The following MYH9 variants were observed in gnomAD, a reference collection of about 807,000 sequenced individuals.
MYH9 encodes the protein myosin heavy chain 9.
Under a neutral mutation model 241.9 loss-of-function variants are expected in MYH9, and 29 were observed. The ratio of observed to expected loss-of-function variants is 0.12; its 90% CI spans 0.09 to 0.16. The LOEUF is 0.16. Among genes scored for constraint, MYH9 ranks in the 10% least tolerant of loss-of-function variants. MYH9 has a pLI of 1.00. For synonymous variants in MYH9, 1,047 were observed against 1,062.6 expected, an observed-to-expected ratio of 0.99 and a Z score of 0.29; for missense variants, 1,803 against 2,595.5, an observed-to-expected ratio of 0.69 and a Z score of 6.63.
At chr22:36,292,812 G>C (rs891060680) in intron 30 of MYH9, among the ~76,000 whole-genome samples, 5 of 152,228 alleles carry the variant, frequency 3.3e-5, no homozygotes, top group African/African-American at 1.2e-4. Context: ...TGACAATGTT[G>C]TAACAGGCAT....
chr22:36,290,611 G>A (rs929546317), intron 31 of MYH9, among the ~76,000 whole-genome samples: 3 of 149,280 alleles, frequency 2.0e-5, no homozygotes, highest in Non-Finnish European at 3.0e-5. Context: ...GCCGCCCATC[G>A]TCTGGGATGT....
chr22:36,284,648 T>C, intron 38 of MYH9, 137 bp from the exon 39 acceptor site: 1 of 798,432 alleles, frequency 1.3e-6, no homozygotes, highest in Non-Finnish European at 2.1e-6. Flanking sequence ...GCTAGACACC[T>C]ATGTGTACCC....
At chr22:36,385,170 TTCTC>T (rs368932396) in intron 1 of MYH9, among the ~76,000 whole-genome samples, 18 of 151,106 alleles carry the variant, frequency 1.2e-4, no homozygotes, top group African/African-American at 4.1e-4. Context: ...GTTTTTTTTT[TTCTC>T]TCTCTCTCTT....
intron 19 of MYH9, 86 bp from the exon 20 acceptor site, chr22:36,302,762 G>C: frequency 8.3e-7 from 1 of 1,203,564 alleles, no homozygotes; most frequent in East Asian, 2.5e-5. Context: ...AGCTTTTCTG[G>C]GGGTCTACCC....
chr22:36,327,472 G>A lies in MYH9; in HGVS notation c.507C>T (p.Ser169=). Residue 169 remains serine, a synonymous_variant, in exon 4 of 41, where the codon TCC becomes TCT. Coordinates refer to ENST00000216181, the MANE Select transcript of MYH9 (RefSeq NM_002473.6). The part of the protein sequence containing the change: ...RSMMQDREDQ[S]ILCTGESGAG... ...GGAGAAATACTTACGTGCACAAGAT[G>A]GATTGATCTTCTCGGTCTGAAACAA... 6.2e-7 allele frequency: 1 copy of A among 1,614,044 alleles called. No individual in the cohort carries two copies. The highest frequency in any genetic ancestry group is 8.5e-7 in the Non-Finnish European group (1 of 1,179,952).
rs746428179 is a variant in MYH9 at position 36,300,234 on chromosome 22, T to G, written c.2869A>C (p.Ser957Arg). ...ELEEQLEEEE[S>R]ARQKLQLEKV... Reference sequence around the variant, plus strand: ...TCCAGCTGCAGCTTCTGCCGGGCGCTCTCCTCCTCCTCCAGCTGCTCCTCA... The same window carrying G: ...TCCAGCTGCAGCTTCTGCCGGGCGCGCTCCTCCTCCTCCAGCTGCTCCTCA... The change falls in exon 23 of 41, where the codon AGC (serine) becomes CGC (arginine). Residue 957 changes from serine to arginine, a missense_variant. By Grantham distance (110) the Ser-to-Arg change is moderately radical. Coordinates refer to ENST00000216181, the MANE Select transcript of MYH9 (RefSeq NM_002473.6). This position sits in a 1 kb window ranked among gnomAD's most constrained non-coding sequence, Gnocchi z 5.0. The G allele has an allele frequency of 6.2e-7, 1 of 1,613,060 alleles. No homozygotes were observed. Among genetic ancestry groups the G allele is most frequent in the South Asian group, 1.1e-5 (1 of 91,042 alleles).
chr22:36,331,293 G>A (rs1393962055), intron 3 of MYH9, among the ~76,000 whole-genome samples: 5 of 152,152 alleles, frequency 3.3e-5, no homozygotes, highest in African/African-American at 9.7e-5. Flanking sequence ...CTGCTGTCTC[G>A]GAGCTCCCAA....
chr22:36,318,210 C>T lies in MYH9; in HGVS notation c.1224G>A (p.Glu408=), dbSNP rs772374978. ...RDYVQKAQTK[E]QADFAIEALA... is the part of the protein sequence containing the mutation. The stretch of plus-strand genomic sequence containing the variant: ...GCCCTGGCCCCAGAGGACATACCTG[C>T]TCTTTAGTCTGCGCCTTCTGGACGT... The change falls in exon 11 of 41, where the codon GAG becomes GAA. Residue 408 remains glutamate (E), a synonymous_variant. Coordinates refer to ENST00000216181, the MANE Select transcript of MYH9 (RefSeq NM_002473.6). 2.5e-6 allele frequency: 4 copies of T among 1,613,944 alleles called. No individual in the cohort carries two copies. Among genetic ancestry groups the T allele is most frequent in the Middle Eastern group, 1.7e-4 (1 of 6,040 alleles).
chr22:36,348,508 CAA>C (rs11367901), intron 2 of MYH9, among the ~76,000 whole-genome samples: 127 of 133,008 alleles, frequency 9.5e-4, no homozygotes, highest in South Asian at 1.7e-3. Context: ...GACTCCGTCT[CAA>C]AAAAAAAAAA....
At position 36,296,914 on chromosome 22, in the gene MYH9, G is replaced by A. The variant is rs144389749; in HGVS notation, c.3201C>T (p.Leu1067=). 1.2e-6 allele frequency: 2 copies of A among 1,613,884 alleles called. No homozygotes were observed. Among genetic ancestry groups the A allele is most frequent in the African/African-American group, 2.7e-5 (2 of 74,924 alleles). Reference sequence around the variant, plus strand: ...TCTTGAGCTCCGCGATCTGGGCCTGGAGCTCGGCGATCTGGTCGCTGAGGT... The same window carrying A: ...TCTTGAGCTCCGCGATCTGGGCCTGAAGCTCGGCGATCTGGTCGCTGAGGT... ...STDLSDQIAE[L]QAQIAELKMQ... Residue 1067 remains leucine, a synonymous_variant, in exon 25 of 41, where the codon CTC becomes CTT. Transcript: ENST00000216181.
chr22:36,354,580 A>C (rs2017821698), intron 1 of MYH9, among the ~76,000 whole-genome samples: 1 of 151,534 alleles, frequency 6.6e-6, no homozygotes, highest in South Asian at 2.1e-4. Context: ...AGTAGCTGGG[A>C]TTACAGGCAT....
intron 20 of MYH9, 113 bp from the exon 21 acceptor site, chr22:36,301,778 ACACGCTGTGGTGGGGGCTGCAAGCAGG>A: frequency 6.9e-7 from 1 of 1,447,902 alleles, no homozygotes; most frequent in South Asian, 1.2e-5. Flanking sequence ...GGGCAAGAAG[ACACGCTGTGGTGGGGGCTGCAAGCAGG>A]CACATCCTTC....
At chr22:36,294,048 G>T (rs376048732) in intron 28 of MYH9, 44 bp downstream of exon 28, 46 of 1,598,742 alleles carry the variant, frequency 2.9e-5, no homozygotes, top group Non-Finnish European at 3.8e-5. Context: ...CACAACTGCT[G>T]CTAGGGCCCA....
At chr22:36,291,055 T>TG (rs1348512412) in intron 31 of MYH9, among the ~76,000 whole-genome samples, 9 of 139,846 alleles carry the variant, frequency 6.4e-5, no homozygotes, top group South Asian at 2.3e-4. Context: ...GGGAGGGAGG[T>TG]GGGGGGGTCA....
intron 3 of MYH9, among the ~76,000 whole-genome samples, chr22:36,336,331 G>T (rs1301835783): frequency 1.3e-5 from 2 of 152,220 alleles, no homozygotes; most frequent in Non-Finnish European, 2.9e-5. Flanking sequence ...ACCCCAGAGG[G>T]TCTGGCCCGG....
intron 1 of MYH9, among the ~76,000 whole-genome samples, chr22:36,368,012 C>A (rs1012416659): frequency 3.6e-4 from 54 of 151,934 alleles, no homozygotes; most frequent in African/African-American, 1.3e-3. Context: ...CAAACACACA[C>A]ACACACATGC....
At chr22:36,341,644 G>A in intron 2 of MYH9, 118 bp from the exon 3 acceptor site, 4 of 1,187,210 alleles carry the variant, frequency 3.4e-6, no homozygotes, top group Non-Finnish European at 4.8e-6. Context: ...TGATGTGAAG[G>A]CACTCCCTGA....
intron 1 of MYH9, among the ~76,000 whole-genome samples, chr22:36,359,699 G>GA (rs1239115666): frequency 2.0e-5 from 3 of 152,300 alleles, no homozygotes; most frequent in African/African-American, 7.2e-5. Flanking sequence ...ATACCAGAAA[G>GA]AATCTTGGCT....
At chr22:36,364,009 G>A (rs1006405627) in intron 1 of MYH9, among the ~76,000 whole-genome samples, 1 of 152,202 alleles carries the variant, frequency 6.6e-6, no homozygotes, top group Non-Finnish European at 1.5e-5. Flanking sequence ...ACCCAATGCA[G>A]AAAAATAACC....
Sources: gnomAD v4.1 joint callset for allele counts (sites outside exome capture counted in the v4.1 genomes callset) on GRCh38, gnomAD v4.1.1 for gene constraint, Gnocchi (gnomAD v3.1) non-coding constraint, MANE v1.5 for transcripts, NCBI Gene and HGNC (gene_info 2026-07-23, HGNC 2026-07-21) for gene names.